Variants in CFAP92 observed in about 807,000 individuals in gnomAD.
CFAP92 encodes uncharacterized protein CFAP92.
CFAP92 carries 86 observed loss-of-function variants against 106.3 expected under a neutral mutation model. That is an observed-to-expected ratio of 0.81 (90% confidence interval 0.68 to 0.97). The LOEUF is 0.97. Among genes scored for constraint, CFAP92 ranks in the 50% least tolerant of loss-of-function variants. CFAP92 has a pLI of 0.00. For missense variants in CFAP92, 1,204 were observed against 1,283.8 expected (o/e 0.94, Z 0.95); for synonymous variants, 477 against 506.4 (o/e 0.94, Z 0.78).
intron 9 of CFAP92, among the ~76,000 whole-genome samples, chr3:128,950,057 A>C (rs564589391): frequency 1.3e-5 from 2 of 151,678 alleles, no homozygotes; most frequent in South Asian, 4.2e-4. Context: ...ACTGTAGAAA[A>C]ATTTGTTTTT....
rs569885346 is a variant in CFAP92, at chr3:129,001,590, C to T, written n.117+984G>A. 28 of 1,352,388 alleles carry T rather than the reference C, an allele frequency of 2.1e-5. No individual in the cohort carries two copies. In the South Asian group the frequency reaches 5.2e-4, roughly 25 times the overall value. The allele number at this position is 1,352,388 out of a possible 1,614,324, so 83.8% of individuals were successfully genotyped here. Reference sequence around the variant, plus strand: ...CCTGGAAGTGGCGGGGCGAAGGGACCGGAGGAGGGACCGGAGGAGCGAGGC... The same window carrying T: ...CCTGGAAGTGGCGGGGCGAAGGGACTGGAGGAGGGACCGGAGGAGCGAGGC... On this transcript the variant is annotated intron_variant and non_coding_transcript_variant, in intron 1 of 4. Coordinates refer to the CFAP92 transcript ENST00000510149.
chr3:129,002,378 A>G, intron 1 of CFAP92: 2 of 1,483,132 alleles, frequency 1.3e-6, no homozygotes, highest in Non-Finnish European at 1.8e-6. Flanking sequence ...GGCTCGAACT[A>G]AAAGCTGGCT....
intron 9 of CFAP92, among the ~76,000 whole-genome samples, chr3:128,956,196 T>TAAAAAAAAAAAAAAAAAAAAAA (rs577724635): frequency 3.2e-5 from 2 of 61,706 alleles, no homozygotes; most frequent in African/African-American, 9.2e-5. Flanking sequence ...AAAAAAAAAA[T>TAAAAAAAAAAAAAAAAAAAAAA]AAAAAAAAAA....
intron 15 of CFAP92, chr3:128,910,645 C>T: frequency 1.5e-6 from 2 of 1,340,630 alleles, no homozygotes; most frequent in Non-Finnish European, 2.1e-6. Flanking sequence ...TGACCCCTGC[C>T]ATGCTACCCA....
rs1440138527 is a variant in CFAP92, at chr3:128,975,462, TGG to T, written c.1021+315_1021+316del. 2.7e-5 allele frequency among the ~76,000 whole-genome samples: 4 copies of T among 148,224 alleles called. No homozygotes were observed. In the East Asian group the frequency reaches 7.8e-4, roughly 29 times the overall value. ...ATGGATGGATGGATGGATGGATGGA[TGG>T]ATGGATGAATAAATGGAATGGGTGG... On this transcript the variant is annotated intron_variant, in intron 7 of 15. Transcript: ENST00000645291.
chr3:128,979,077 T>A (rs1943350846), intron 4 of CFAP92, among the ~76,000 whole-genome samples: 1 of 152,104 alleles, frequency 6.6e-6, no homozygotes, highest in Non-Finnish European at 1.5e-5. Flanking sequence ...ACATCCAGAA[T>A]CTACAAAGAA....
chr3:128,949,362 T>C (rs1290152865), intron 9 of CFAP92, among the ~76,000 whole-genome samples: 1 of 152,258 alleles, frequency 6.6e-6, no homozygotes, highest in Non-Finnish European at 1.5e-5. Flanking sequence ...TGTGATGGAA[T>C]ACTGCTCAGC....
chr3:128,951,694 A>T (rs946424906), intron 9 of CFAP92, among the ~76,000 whole-genome samples: 1 of 152,164 alleles, frequency 6.6e-6, no homozygotes, highest in Non-Finnish European at 1.5e-5. Context: ...AAAGACGAAG[A>T]AAGGGACAAC....
chr3:128,930,431 G>T (rs1348713352), intron 12 of CFAP92, among the ~76,000 whole-genome samples: 1 of 152,054 alleles, frequency 6.6e-6, no homozygotes. Flanking sequence ...GATTACAGGT[G>T]TGAGTACTGT....
chr3:128,951,134 C>T (rs1301683884), intron 9 of CFAP92, among the ~76,000 whole-genome samples: 1 of 151,948 alleles, frequency 6.6e-6, no homozygotes, highest in Non-Finnish European at 1.5e-5. Context: ...GTTCAGGAAG[C>T]TGAGGCAGGA....
intron 15 of CFAP92, among the ~76,000 whole-genome samples, chr3:128,911,736 C>G (rs78239486): frequency 0.014 from 2,060 of 152,340 alleles, 46 homozygotes; most frequent in African/African-American, 0.047. Flanking sequence ...GCCACTGTGC[C>G]CAGCCCTGGC....
rs138347525 is a variant in CFAP92, at chr3:128,926,586, G to C, written c.2751+6114C>G. ...TTCAACACTGCACTTCTTTATACCA[G>C]ACATTCTAGACAATGCAAAGGGAGA... On this transcript the variant is annotated intron_variant, in intron 12 of 15. Transcript: ENST00000645291. Among the ~76,000 whole-genome samples the C allele has an allele frequency of 1.5e-3, 228 of 152,250 alleles. 1 individual carries two copies. The highest frequency in any genetic ancestry group is 5.4e-3 in the African/African-American group (223 of 41,536).
chr3:128,927,585 G>A (rs993561317), intron 12 of CFAP92, among the ~76,000 whole-genome samples: 4 of 152,028 alleles, frequency 2.6e-5, no homozygotes, highest in South Asian at 2.1e-4. Context: ...TTAGCTGGGC[G>A]TGGTGGCGGG....
upstream of CFAP92, among the ~76,000 whole-genome samples, chr3:128,997,355 G>A (rs1245738956): frequency 3.3e-5 from 5 of 152,126 alleles, no homozygotes; most frequent in South Asian, 6.2e-4. Flanking sequence ...CATTTCAAGC[G>A]TAGAATTCAA....
At position 128,910,135 on chromosome 3, in the gene CFAP92, A is replaced by G. The variant is rs752414943; in HGVS notation, c.*164T>C. ...CCGCTCCATCCGCATTGGGCTCCGC[A>G]ACCACGACCACGAGGTGAGCCCAGC... On this transcript the variant is annotated 3_prime_UTR_variant, in exon 16 of 16. Coordinates refer to ENST00000645291, the MANE Select transcript of CFAP92 (RefSeq NM_001394090.1). 4.3e-6 allele frequency: 7 copies of G among 1,614,048 alleles called. No individual in the cohort carries two copies. The highest frequency in any genetic ancestry group is 5.9e-6 in the Non-Finnish European group (7 of 1,180,032).
intron 8 of CFAP92, chr3:128,967,205 T>A (rs1483081975): frequency 6.6e-6 from 1 of 152,220 alleles, no homozygotes; most frequent in African/African-American, 2.4e-5. Context: ...GTCGCTCACA[T>A]TCAGAAAGAG....
chr3:129,012,099 C>T, the CFAP92 span, among the ~76,000 whole-genome samples: 2 of 152,222 alleles, frequency 1.3e-5, no homozygotes, highest in Non-Finnish European at 2.9e-5. Context: ...CCAGACCAGT[C>T]ACCCTTGGCC....
Position 128,932,852 on chromosome 3 carries a change from C to T in CFAP92, c.2599G>A (p.Ala867Thr), listed in dbSNP as rs990547015. 2 of 1,536,072 alleles carry T rather than the reference C, an allele frequency of 1.3e-6. No homozygotes were observed. Among genetic ancestry groups the T allele is most frequent in the East Asian group, 2.4e-5 (1 of 40,932 alleles). The change falls in exon 12 of 16, where the codon GCC becomes ACC. Residue 867 changes from alanine to threonine, a missense_variant. Physicochemically the swap from Ala to Thr is moderately conservative, Grantham distance 58. Coordinates refer to ENST00000645291, the MANE Select transcript of CFAP92 (RefSeq NM_001394090.1). ...TTGGGGGCAGGCTGAGGTGGTAGGGCAAACAGTTTCTCATCTGTGAGTTCT... is the reference window on the plus strand; with the variant it reads ...TTGGGGGCAGGCTGAGGTGGTAGGGTAAACAGTTTCTCATCTGTGAGTTCT... ...QEELTDEKLFALPPQPAPNLE... is the reference protein window; with the variant it reads ...QEELTDEKLFTLPPQPAPNLE...
chr3:128,950,832 C>G (rs964184434), intron 9 of CFAP92, among the ~76,000 whole-genome samples: 1 of 152,144 alleles, frequency 6.6e-6, no homozygotes, highest in Non-Finnish European at 1.5e-5. Flanking sequence ...AAATCTCAGC[C>G]TCCCAAAGGG....
Sources: allele counts gnomAD v4.1 joint callset (sites outside exome capture counted in the v4.1 genomes callset), GRCh38; gene constraint gnomAD v4.1.1; transcripts MANE v1.5; gene names NCBI Gene and HGNC (gene_info 2026-07-23, HGNC 2026-07-21).